The following PDE8A variants were observed in gnomAD, a reference collection of about 807,000 sequenced individuals.
PDE8A encodes the protein phosphodiesterase 8A.
PDE8A carries 59 observed loss-of-function variants against 105.0 expected under a neutral mutation model. The ratio of observed to expected loss-of-function variants is 0.56; its 90% CI spans 0.46 to 0.70. The LOEUF (loss-of-function observed/expected upper bound fraction) is 0.70. Ranked by LOEUF, PDE8A falls within the 30% of genes least tolerant of loss-of-function variation. The pLI is 0.00. For missense variants in PDE8A, 1,014 were observed against 1,045.9 expected (o/e 0.97, Z 0.42); for synonymous variants, 355 against 371.9 (o/e 0.95, Z 0.52).
At chr15:85,123,322 A>T (rs1252756122) in intron 19 of PDE8A, 129 bp downstream of exon 19, 1 of 687,532 alleles carries the variant, frequency 1.5e-6, no homozygotes, top group Non-Finnish European at 2.6e-6. Flanking sequence ...TCTTACAGGG[A>T]CAGAACTAAT....
intron 2 of PDE8A, among the ~76,000 whole-genome samples, chr15:85,066,575 C>A (rs900733244): frequency 2.1e-5 from 3 of 142,034 alleles, no homozygotes; most frequent in African/African-American, 5.3e-5. Flanking sequence ...CACCCACCAT[C>A]CCCCCAAAAC....
rs184711351 is a variant in PDE8A at position 85,016,549 on chromosome 15, A to C, written c.186+34201A>C. ...TTATGTGCCACTACCACACTGTTTT[A>C]ATTATAGAGCTGTATAAGAATTATC... is the stretch of plus-strand genomic sequence containing the variant. On this transcript the variant is annotated intron_variant, in intron 1 of 21. Coordinates refer to ENST00000394553, the MANE Select transcript of PDE8A (RefSeq NM_002605.3). Among the ~76,000 whole-genome samples, 8 of 152,290 alleles carry C rather than the reference A, an allele frequency of 5.3e-5. No homozygotes were observed. In the East Asian group the frequency reaches 1.5e-3, roughly 29 times the overall value.
chr15:85,027,644 T>A (rs1164973512), intron 1 of PDE8A, among the ~76,000 whole-genome samples: 1 of 152,218 alleles, frequency 6.6e-6, no homozygotes, highest in South Asian at 2.1e-4. Flanking sequence ...AAAACAATTT[T>A]TGGGAATAGT....
At chr15:85,103,962 A>G (rs1425814378) in intron 11 of PDE8A, among the ~76,000 whole-genome samples, 1 of 152,144 alleles carries the variant, frequency 6.6e-6, no homozygotes, top group South Asian at 2.1e-4. Context: ...TCCCTCCCCT[A>G]CTGAGAGGAC....
At chr15:84,998,820 A>G (rs1325021949) in intron 1 of PDE8A, among the ~76,000 whole-genome samples, 1 of 152,206 alleles carries the variant, frequency 6.6e-6, no homozygotes, top group Non-Finnish European at 1.5e-5. Context: ...CTTGGGATGA[A>G]GAAGTCAGGG....
At chr15:85,038,095 A>C (rs149568974) in intron 1 of PDE8A, among the ~76,000 whole-genome samples, 1 of 152,324 alleles carries the variant, frequency 6.6e-6, no homozygotes, top group African/African-American at 2.4e-5. Context: ...TTAAAACTTA[A>C]AAATTGTTGA....
upstream of PDE8A, chr15:84,980,719 A>G (rs1432762282): frequency 6.6e-6 from 1 of 152,218 alleles, no homozygotes; most frequent in South Asian, 2.1e-4. Flanking sequence ...ACAGCAAGCT[A>G]GTGGCTGTGT....
At chr15:84,996,823 CA>C (rs34363361) in intron 1 of PDE8A, among the ~76,000 whole-genome samples, 222 of 53,790 alleles carry the variant, frequency 4.1e-3, no homozygotes, top group African/African-American at 0.01. Flanking sequence ...AAGACTCTCT[CA>C]AAAAAAAAAA....
At chr15:85,047,966 C>G (rs1378214756) in intron 1 of PDE8A, among the ~76,000 whole-genome samples, 3 of 152,224 alleles carry the variant, frequency 2.0e-5, no homozygotes, top group African/African-American at 7.2e-5. Flanking sequence ...TTGATTTTCT[C>G]AAACTTAATG....
At chr15:85,073,529 A>T (rs1427554567) in intron 3 of PDE8A, among the ~76,000 whole-genome samples, 1 of 152,200 alleles carries the variant, frequency 6.6e-6, no homozygotes, top group Non-Finnish European at 1.5e-5. Flanking sequence ...CTCCTTAGTG[A>T]GATCACCTAC....
chr15:85,120,853 T>G lies in PDE8A; in HGVS notation c.1791T>G (p.Asp597Glu). 6.2e-7 allele frequency: 1 copy of G among 1,614,134 alleles called. No homozygotes were observed. Among genetic ancestry groups the G allele is most frequent in the Non-Finnish European group, 8.5e-7 (1 of 1,179,942 alleles). Residue 597 changes from aspartate (D) to glutamate (E), a missense_variant, in exon 18 of 22, where the codon GAT becomes GAG. Coordinates refer to ENST00000394553, the MANE Select transcript of PDE8A (RefSeq NM_002605.3). ...VAALIAATIH[D>E]VDHPGRTNSF... ...CACTCATCGCAGCCACCATTCATGA[T>G]GTGGATCACCCTGGGAGAACCAACT... is the stretch of plus-strand genomic sequence containing the variant.
Position 85,091,087 on chromosome 15 carries a change from G to A in PDE8A, c.758G>A (p.Gly253Asp). The change falls in exon 8 of 22, where the codon GGT (glycine) becomes GAT (aspartate). Residue 253 changes from glycine to aspartate, a missense_variant. Transcript: ENST00000394553. ...AFETTMGYQS[G>D]ELIGKELGEV... ...GAAACAACAATGGGCTATCAGTCAG[G>A]TGAATTAATAGGGAAGGAGTTAGGA... 1 of 1,612,670 alleles carries A rather than the reference G, an allele frequency of 6.2e-7. No homozygotes were observed. The highest frequency in any genetic ancestry group is 1.1e-5 in the South Asian group (1 of 90,992).
At chr15:85,112,004 G>A (rs1358058798) in intron 12 of PDE8A, among the ~76,000 whole-genome samples, 1 of 152,078 alleles carries the variant, frequency 6.6e-6, no homozygotes, top group African/African-American at 2.4e-5. Context: ...AAATACAACT[G>A]ATTTTTGTAT....
intron 1 of PDE8A, among the ~76,000 whole-genome samples, chr15:85,059,242 A>G (rs557278471): frequency 6.6e-6 from 1 of 152,296 alleles, no homozygotes; most frequent in East Asian, 1.9e-4. Flanking sequence ...TTTGTGTTAC[A>G]TCTATCTTTT....
At position 85,100,334 on chromosome 15, in the gene PDE8A, C is replaced by T. The variant is rs948974906; in HGVS notation, c.1036+136C>T. ...GTGGCAACATTTCTCTCCTTGACTC[C>T]CCAGGCTGGCTTATGAGTCACTTGT... is the stretch of plus-strand genomic sequence containing the variant. On this transcript the variant is annotated intron_variant, in intron 11 of 21. Transcript: ENST00000394553. The T allele has an allele frequency of 6.3e-5, 47 of 742,188 alleles. No homozygotes were observed. In the South Asian group the frequency reaches 7.0e-4, roughly 11 times the overall value. The allele number at this position is 742,188 out of a possible 1,614,324, so 46.0% of individuals were successfully genotyped here. A position where few individuals can be genotyped will look rare whatever the true frequency, so the allele number is the denominator to read the frequency against.
chr15:85,034,142 C>T (rs1369675218), intron 1 of PDE8A, among the ~76,000 whole-genome samples: 2 of 152,048 alleles, frequency 1.3e-5, no homozygotes, highest in African/African-American at 4.8e-5. Flanking sequence ...TTGACTCCTC[C>T]GTATTATTAA....
At chr15:85,034,107 C>A (rs909547791) in intron 1 of PDE8A, among the ~76,000 whole-genome samples, 1 of 152,122 alleles carries the variant, frequency 6.6e-6, no homozygotes, top group Non-Finnish European at 1.5e-5. Context: ...GCCAAAAGAT[C>A]AAGTCACTTA....
In PDE8A at chr15:85,117,781, C is replaced by G. The variant is rs2082119996; in HGVS notation, c.1676C>G (p.Thr559Arg). ...TCCTCCAATCCCTACCACAATTCTA[C>G]ACATTCTGCTGATGTGCTTCATGCC... is the stretch of plus-strand genomic sequence containing the variant. ...YHSSNPYHNS[T>R]HSADVLHATA... The change falls in exon 17 of 22, where the codon ACA becomes AGA. Residue 559 changes from threonine (T) to arginine (R), a missense_variant. Physicochemically the swap from Thr to Arg is moderately conservative, Grantham distance 71. Coordinates refer to ENST00000394553, the MANE Select transcript of PDE8A (RefSeq NM_002605.3). The G allele has an allele frequency of 6.2e-7, 1 of 1,614,074 alleles. No individual in the cohort carries two copies. The highest frequency in any genetic ancestry group is 8.5e-7 in the Non-Finnish European group (1 of 1,179,924).
intron 2 of PDE8A, among the ~76,000 whole-genome samples, chr15:85,064,630 A>G (rs559692553): frequency 6.6e-6 from 1 of 152,300 alleles, no homozygotes; most frequent in East Asian, 1.9e-4. Flanking sequence ...GTGTTTAGAG[A>G]TGAAGAAGTG....
Sources: gnomAD v4.1 joint callset for allele counts (sites outside exome capture counted in the v4.1 genomes callset) on GRCh38, gnomAD v4.1.1 for gene constraint, MANE v1.5 for transcripts, NCBI Gene and HGNC (gene_info 2026-07-23, HGNC 2026-07-21) for gene names.